MAP2K3: variants seen among roughly 807,000 people sequenced by gnomAD.
The protein encoded by MAP2K3 is mitogen-activated protein kinase kinase 3.
Under a neutral mutation model 46.4 loss-of-function variants are expected in MAP2K3, and 30 were observed. That is an observed-to-expected ratio of 0.65 (90% CI 0.48 to 0.88). The LOEUF is 0.88. Among genes scored for constraint, MAP2K3 ranks in the 40% least tolerant of loss-of-function variants. MAP2K3 has a pLI of 0.00. For synonymous variants in MAP2K3, 189 were observed against 176.3 expected (o/e 1.07, Z -0.57); for missense variants, 380 against 464.5 (o/e 0.82, Z 1.67).
At chr17:21,310,156 T>G (rs1977097225) in intron 9 of MAP2K3, among the ~76,000 whole-genome samples, 1 of 152,084 alleles carries the variant, frequency 6.6e-6, no homozygotes, top group Non-Finnish European at 1.5e-5. Context: ...ATTACAGGTG[T>G]GCACCACCAC....
intron 1 of MAP2K3, chr17:21,285,184 C>G: frequency 2.1e-6 from 2 of 953,546 alleles, no homozygotes; most frequent in Non-Finnish European, 2.5e-6. Flanking sequence ...CACTCAGGCC[C>G]GAGATCACCC....
At chr17:21,291,926 C>G (rs1386799223) in intron 1 of MAP2K3, among the ~76,000 whole-genome samples, 6 of 152,302 alleles carry the variant, frequency 3.9e-5, no homozygotes, top group African/African-American at 1.4e-4. Context: ...CATAGGACGT[C>G]AAAGGAGGAA....
At position 21,305,048 on chromosome 17, in the gene MAP2K3, C is replaced by T. The variant is rs112593891; in HGVS notation, c.697-3C>T. On this transcript the variant is annotated splice_polypyrimidine_tract_variant and splice_region_variant and intron_variant, in intron 8 of 11. Transcript: ENST00000342679. ...GTTCACGCCTCACTCTTCCCTCCTG[C>T]AGCCTGAGAGGATCAACCCAGAGCT... is the stretch of plus-strand genomic sequence containing the variant. 1 of 1,614,266 alleles carries T rather than the reference C, an allele frequency of 6.2e-7. No individual in the cohort carries two copies. Among genetic ancestry groups the T allele is most frequent in the Non-Finnish European group, 8.5e-7 (1 of 1,180,058 alleles).
chr17:21,285,499 A>AC (rs2144425485), intron 1 of MAP2K3, among the ~76,000 whole-genome samples: 1 of 152,072 alleles, frequency 6.6e-6, no homozygotes, highest in African/African-American at 2.4e-5. Context: ...TGCTCTGGCT[A>AC]CACCCCAGCT....
At chr17:21,309,506 C>T (rs1263327782) in intron 9 of MAP2K3, among the ~76,000 whole-genome samples, 1 of 152,062 alleles carries the variant, frequency 6.6e-6, no homozygotes, top group Non-Finnish European at 1.5e-5. Context: ...ACCTCTTACC[C>T]CGTTTCAGTG....
chr17:21,294,175 G>T (rs67988204), intron 1 of MAP2K3, among the ~76,000 whole-genome samples: 9 of 152,228 alleles, frequency 5.9e-5, no homozygotes, highest in Middle Eastern at 3.2e-3. Flanking sequence ...AGGGACCCTG[G>T]GGAATAGAGG....
chr17:21,303,101 G>T (rs1316147051), intron 6 of MAP2K3, 82 bp from the exon 7 acceptor site: 2 of 1,569,092 alleles, frequency 1.3e-6, no homozygotes, highest in African/African-American at 1.4e-5. Context: ...GGACATGGAT[G>T]GGGTCTTACT....
chr17:21,292,791 C>T (rs922659763), intron 1 of MAP2K3, among the ~76,000 whole-genome samples: 6 of 152,194 alleles, frequency 3.9e-5, no homozygotes, highest in East Asian at 1.9e-4. Context: ...ATGGTCTGAC[C>T]GGCATTTTCT....
At chr17:21,293,810 A>T (rs1976083099) in intron 1 of MAP2K3, among the ~76,000 whole-genome samples, 1 of 152,312 alleles carries the variant, frequency 6.6e-6, no homozygotes, top group Non-Finnish European at 1.5e-5. Context: ...CAGATGGCAC[A>T]GCCTGGGCCT....
intron 5 of MAP2K3, among the ~76,000 whole-genome samples, chr17:21,301,921 G>T (rs1976622833): frequency 6.6e-6 from 1 of 152,302 alleles, no homozygotes. Flanking sequence ...TTAGGGATCA[G>T]ATAGAGGAGG....
At chr17:21,297,012 G>A (rs1976292894) in intron 1 of MAP2K3, among the ~76,000 whole-genome samples, 1 of 152,308 alleles carries the variant, frequency 6.6e-6, no homozygotes, top group Non-Finnish European at 1.5e-5. Context: ...AAGGCTGCAG[G>A]TATCTGCTTG....
chr17:21,298,283 G>A (rs1976376386), intron 1 of MAP2K3, 130 bp from the exon 2 acceptor site: 1 of 1,347,900 alleles, frequency 7.4e-7, no homozygotes, highest in Non-Finnish European at 1.1e-6. Context: ...GGCTTGGAGA[G>A]AGGGGGCTCC....
intron 1 of MAP2K3, chr17:21,295,690 G>C (rs773278019): frequency 7.8e-7 from 1 of 1,289,498 alleles, no homozygotes; most frequent in Non-Finnish European, 1.0e-6. Flanking sequence ...TGGATGCAGA[G>C]GCCAGTCCAT....
chr17:21,297,219 C>T (rs1345315331), intron 1 of MAP2K3, among the ~76,000 whole-genome samples: 2 of 152,310 alleles, frequency 1.3e-5, no homozygotes, highest in Non-Finnish European at 2.9e-5. Context: ...TGTGTTGCAC[C>T]GTGGCCAAGG....
chr17:21,301,568 C>T (rs1221127278), intron 5 of MAP2K3, among the ~76,000 whole-genome samples: 4 of 152,308 alleles, frequency 2.6e-5, no homozygotes, highest in Admixed American at 6.5e-5. Flanking sequence ...GTCCAGCCAT[C>T]GGGCAAGGTC....
intron 1 of MAP2K3, among the ~76,000 whole-genome samples, chr17:21,288,981 G>T (rs1975803402): frequency 6.6e-6 from 1 of 152,264 alleles, no homozygotes; most frequent in Admixed American, 6.5e-5. Context: ...TAGTGGTCGA[G>T]ATTGAAGATA....
rs4995133 is a variant in MAP2K3 at position 21,311,028 on chromosome 17, G to A, written c.775-1114G>A. ...AGAGAAAAGCCCCCCAAATCGGTAC[G>A]GTTTTGTCCTGTGAACACGCATGCA... On this transcript the variant is annotated intron_variant, in intron 9 of 11. Coordinates refer to ENST00000342679, the MANE Select transcript of MAP2K3 (RefSeq NM_145109.3). Among the ~76,000 whole-genome samples the A allele has an allele frequency of 1.1e-4, 17 of 152,290 alleles. No individual in the cohort carries two copies. In the East Asian group the frequency reaches 1.5e-3, roughly 14 times the overall value.
intron 1 of MAP2K3, chr17:21,291,338 C>CAATAG (rs2144473243): frequency 1.1e-5 from 1 of 89,172 alleles, no homozygotes; most frequent in East Asian, 3.1e-4. Flanking sequence ...GAATACAGTA[C>CAATAG]AATACAATAC....
intron 1 of MAP2K3, chr17:21,295,747 A>G (rs1976206961): frequency 1.6e-6 from 2 of 1,284,680 alleles, no homozygotes; most frequent in Non-Finnish European, 2.0e-6. Flanking sequence ...CATCCAGCCC[A>G]TATGTGCAAG....
Sources: gnomAD v4.1 joint callset for allele counts (sites outside exome capture counted in the v4.1 genomes callset) on GRCh38, gnomAD v4.1.1 for gene constraint, MANE v1.5 for transcripts, NCBI Gene and HGNC (gene_info 2026-07-23, HGNC 2026-07-21) for gene names.